NELL2: variants seen among roughly 807,000 people sequenced by gnomAD.
The protein encoded by NELL2 is neural EGFL like 2, also known as protein kinase C-binding protein NELL2.
A neutral mutation model predicts 109.6 loss-of-function variants in NELL2; 41 were observed. The observed-to-expected ratio is 0.37, with a 90% CI of 0.29 to 0.49. NELL2 has a LOEUF of 0.49. Ranked by LOEUF, NELL2 falls within the 20% of genes least tolerant of loss-of-function variation. The pLI, the probability that NELL2 is intolerant of heterozygous loss-of-function variation, is 0.98. For synonymous variants in NELL2, 355 were observed against 344.7 expected (o/e 1.03, Z -0.33); for missense variants, 900 against 1,008.3 (o/e 0.89, Z 1.45).
intron 15 of NELL2, among the ~76,000 whole-genome samples, chr12:44,565,374 C>CT (rs1943616116): frequency 6.6e-6 from 1 of 152,196 alleles, no homozygotes. Context: ...TCATTAGACA[C>CT]TTTCTGATTT....
chr12:44,638,866 G>A (rs1946743036), intron 13 of NELL2, among the ~76,000 whole-genome samples: 1 of 152,120 alleles, frequency 6.6e-6, no homozygotes, highest in Non-Finnish European at 1.5e-5. Context: ...TATCAGCACT[G>A]TTCAACAGAA....
chr12:44,880,455 A>G (rs1292688489), upstream of NELL2, among the ~76,000 whole-genome samples: 2 of 152,030 alleles, frequency 1.3e-5, no homozygotes, highest in East Asian at 1.9e-4. Context: ...ATGTGAGAAT[A>G]TTACTGAGAA....
chr12:44,572,321 T>C (rs950245317), intron 15 of NELL2, among the ~76,000 whole-genome samples: 1 of 151,960 alleles, frequency 6.6e-6, no homozygotes, highest in East Asian at 1.9e-4. Flanking sequence ...AAAAAAAAAT[T>C]TTTTTTTCTG....
chr12:44,891,139 G>T (rs1282586644), intron 1 of NELL2, among the ~76,000 whole-genome samples: 3 of 152,146 alleles, frequency 2.0e-5, no homozygotes, highest in African/African-American at 4.8e-5. Context: ...CCTACTATTT[G>T]GTCATCTGCC....
intron 9 of NELL2, among the ~76,000 whole-genome samples, chr12:44,749,687 T>C (rs904553899): frequency 6.6e-6 from 1 of 152,030 alleles, no homozygotes; most frequent in African/African-American, 2.4e-5. Flanking sequence ...GAAGTCCCCC[T>C]CGGAGGAGGA....
chr12:44,547,952 T>C (rs1215816615), intron 15 of NELL2, among the ~76,000 whole-genome samples: 2 of 152,234 alleles, frequency 1.3e-5, no homozygotes, highest in East Asian at 1.9e-4. Context: ...GTTCTCTTGC[T>C]GAACGTATAA....
At position 44,791,084 on chromosome 12, in the gene NELL2, T is replaced by TAC. The variant is rs1449791323; in HGVS notation, c.336-11063_336-11062insGT. ...GTTCAAGTATATATATATATATACATATATATATATATGTATATATATATG... is the reference window on the plus strand; with the variant it reads ...GTTCAAGTATATATATATATATACATACATATATATATATGTATATATATATG... On this transcript the variant is annotated intron_variant, in intron 3 of 19. Coordinates refer to ENST00000429094, the MANE Select transcript of NELL2 (RefSeq NM_001145108.2). Among the ~76,000 whole-genome samples, 18 of 12,484 alleles carry TAC rather than the reference T, an allele frequency of 1.4e-3. 1 individual carries two copies. Among genetic ancestry groups the TAC allele is most frequent in the East Asian group, 6.5e-3 (1 of 154 alleles). 8.2% of individuals were successfully genotyped at this position (12,484 alleles called of 152,430 possible).
At chr12:44,756,851 T>C (rs1940912706) in intron 9 of NELL2, among the ~76,000 whole-genome samples, 1 of 152,084 alleles carries the variant, frequency 6.6e-6, no homozygotes, top group Non-Finnish European at 1.5e-5. Context: ...ATTCTCTCCT[T>C]AAGTGACTCT....
intron 2 of NELL2, among the ~76,000 whole-genome samples, chr12:44,866,776 A>G (rs563956279): frequency 2.9e-4 from 44 of 152,252 alleles, no homozygotes; most frequent in African/African-American, 9.9e-4. Context: ...AAATAAAATC[A>G]GAAATGAAAG....
intron 16 of NELL2, among the ~76,000 whole-genome samples, chr12:44,525,951 C>T (rs556568731): frequency 4.6e-5 from 7 of 152,172 alleles, no homozygotes; most frequent in African/African-American, 4.8e-5. Flanking sequence ...GAGGCAAGAG[C>T]GTGCTTGAAG....
chr12:44,762,259 A>C (rs1008641366), intron 9 of NELL2, among the ~76,000 whole-genome samples: 1 of 152,036 alleles, frequency 6.6e-6, no homozygotes, highest in Non-Finnish European at 1.5e-5. Flanking sequence ...CACTCTCCCA[A>C]ATCCAGCTCA....
chr12:44,735,709 G>C (rs1022056801), intron 9 of NELL2, among the ~76,000 whole-genome samples: 1 of 151,834 alleles, frequency 6.6e-6, no homozygotes, highest in African/African-American at 2.4e-5. Context: ...CTATTTTCTA[G>C]GTTTCTCTTT....
At chr12:44,689,408 T>G (rs1388680110) in intron 12 of NELL2, among the ~76,000 whole-genome samples, 2 of 152,250 alleles carry the variant, frequency 1.3e-5, no homozygotes, top group Non-Finnish European at 2.9e-5. Context: ...TGTTTTGTTC[T>G]TTAGCCCATA....
chr12:44,605,200 C>T (rs571973933), intron 15 of NELL2, among the ~76,000 whole-genome samples: 5 of 152,166 alleles, frequency 3.3e-5, no homozygotes, highest in Non-Finnish European at 5.9e-5. Context: ...GCAGAATGAC[C>T]TTTGTATCAG....
At chr12:44,566,811 T>C (rs975820906) in intron 15 of NELL2, among the ~76,000 whole-genome samples, 1 of 152,114 alleles carries the variant, frequency 6.6e-6, no homozygotes, top group Non-Finnish European at 1.5e-5. Context: ...GTACTCTATT[T>C]ACTATATGCA....
rs1944153627 is a variant in NELL2, at chr12:44,839,389, GATATACAATAGAAC to G, written c.185-23267_185-23254del. On this transcript the variant is annotated intron_variant, in intron 2 of 19. Transcript: ENST00000429094. Reference sequence around the variant, plus strand: ...ACAAAAATGACCTGTATATACTAATGATATACAATAGAACACATTAAAAAAGAATTATTTGTAAC... The same window carrying G: ...ACAAAAATGACCTGTATATACTAATGACATTAAAAAAGAATTATTTGTAAC... 3.3e-5 allele frequency among the ~76,000 whole-genome samples: 5 copies of G among 152,178 alleles called. No homozygotes were observed. The South Asian group carries it at 1.0e-3, about 32-fold the overall frequency.
chr12:44,840,663 C>T (rs928876005), intron 2 of NELL2, among the ~76,000 whole-genome samples: 1 of 151,362 alleles, frequency 6.6e-6, no homozygotes, highest in Non-Finnish European at 1.5e-5. Context: ...ATAATATATG[C>T]TGTATTGATT....
At chr12:44,509,200 C>G (rs1243613656) in intron 19 of NELL2, among the ~76,000 whole-genome samples, 1 of 152,130 alleles carries the variant, frequency 6.6e-6, no homozygotes, top group Non-Finnish European at 1.5e-5. Flanking sequence ...GCTTTATTTA[C>G]TCATTGGCAT....
At chr12:44,672,390 T>C (rs918312899) in intron 12 of NELL2, among the ~76,000 whole-genome samples, 2 of 152,114 alleles carry the variant, frequency 1.3e-5, no homozygotes, top group African/African-American at 4.8e-5. Flanking sequence ...GTGTGCTCCT[T>C]ATAAGAATCT....
Sources: gnomAD v4.1 joint callset for allele counts (sites outside exome capture counted in the v4.1 genomes callset) on GRCh38, gnomAD v4.1.1 for gene constraint, MANE v1.5 for transcripts, NCBI Gene and HGNC (gene_info 2026-07-23, HGNC 2026-07-21) for gene names.